Variants in GALNT1 observed in about 807,000 individuals in gnomAD.
GALNT1 encodes the protein GalNAc transferase 1.
Under a neutral mutation model 65.7 loss-of-function variants are expected in GALNT1, and 17 were observed. The observed-to-expected ratio is 0.26, with a 90% confidence interval of 0.18 to 0.39. GALNT1 has a LOEUF of 0.39. Ranked by LOEUF, GALNT1 falls within the 10% of genes least tolerant of loss-of-function variation. The pLI is 1.00. For synonymous variants in GALNT1, 210 were observed against 219.7 expected (o/e 0.96, Z 0.39); for missense variants, 460 against 672.8 (o/e 0.68, Z 3.50).
chr18:35,633,584 A>G (rs976329449), intron 1 of GALNT1, among the ~76,000 whole-genome samples: 26 of 151,870 alleles, frequency 1.7e-4, no homozygotes, highest in African/African-American at 6.3e-4. Context: ...TAGGAGATAC[A>G]CCTAATATAA....
chr18:35,662,158 T>G (rs1038291946), intron 2 of GALNT1, among the ~76,000 whole-genome samples: 3 of 152,224 alleles, frequency 2.0e-5, no homozygotes, highest in Non-Finnish European at 4.4e-5. Flanking sequence ...ATTACACTTC[T>G]GTACTTATAG....
At chr18:35,627,936 C>T (rs951666621) in intron 1 of GALNT1, among the ~76,000 whole-genome samples, 24 of 148,434 alleles carry the variant, frequency 1.6e-4, no homozygotes, top group African/African-American at 2.7e-4. Flanking sequence ...GTGCCTGGCT[C>T]GGAGGGTCCT....
chr18:35,703,141 A>T, intron 10 of GALNT1, 146 bp downstream of exon 10: 1 of 569,278 alleles, frequency 1.8e-6, no homozygotes. Flanking sequence ...GAAGCTTTCA[A>T]TCCAGTGATT....
intron 1 of GALNT1, chr18:35,596,158 T>G (rs1239699727): frequency 6.6e-6 from 1 of 152,114 alleles, no homozygotes; most frequent in African/African-American, 2.4e-5. Flanking sequence ...TCACAGTCAA[T>G]GGGGGTTTAT....
chr18:35,588,277 TG>T (rs2046400305), intron 1 of GALNT1, among the ~76,000 whole-genome samples: 1 of 152,192 alleles, frequency 6.6e-6, no homozygotes, highest in Non-Finnish European at 1.5e-5. Flanking sequence ...CTGGCTTCCA[TG>T]GTTTCTGAGG....
At chr18:35,585,976 T>C (rs2046373882) in intron 1 of GALNT1, among the ~76,000 whole-genome samples, 1 of 152,232 alleles carries the variant, frequency 6.6e-6, no homozygotes, top group African/African-American at 2.4e-5. Flanking sequence ...TTCTCTGGGA[T>C]ATATGCCCAG....
intron 4 of GALNT1, among the ~76,000 whole-genome samples, chr18:35,678,727 TCTTTTGCTAGTATCTTCAA>T (rs2047746842): frequency 6.6e-6 from 1 of 152,302 alleles, no homozygotes; most frequent in South Asian, 2.1e-4. Flanking sequence ...CATTTTAACC[TCTTTTGCTAGTATCTTCAA>T]CTTTCTTGCC....
upstream of GALNT1, among the ~76,000 whole-genome samples, chr18:35,581,582 A>AGCGGC (rs1555644073): frequency 8.7e-5 from 12 of 137,430 alleles, no homozygotes; most frequent in Non-Finnish European, 1.6e-4. Context: ...GTGAGCGGGC[A>AGCGGC]GGCGGCGCGC....
chr18:35,626,329 T>A (rs2046916375), intron 1 of GALNT1, among the ~76,000 whole-genome samples: 1 of 152,276 alleles, frequency 6.6e-6, no homozygotes, highest in African/African-American at 2.4e-5. Context: ...AAAGTTTGAG[T>A]GAATTAGGGA....
At chr18:35,614,305 A>G (rs1304480301) in intron 1 of GALNT1, among the ~76,000 whole-genome samples, 1 of 152,200 alleles carries the variant, frequency 6.6e-6, no homozygotes, top group Non-Finnish European at 1.5e-5. Flanking sequence ...TAGAAGGACT[A>G]TTAATGTAAT....
At chr18:35,583,765 A>T (rs1000464231) in intron 1 of GALNT1, among the ~76,000 whole-genome samples, 2 of 152,146 alleles carry the variant, frequency 1.3e-5, no homozygotes, top group Non-Finnish European at 2.9e-5. Flanking sequence ...GGTAATTCTC[A>T]TGACATCAGG....
intron 1 of GALNT1, among the ~76,000 whole-genome samples, chr18:35,651,586 C>G (rs2047311669): frequency 6.6e-6 from 1 of 152,184 alleles, no homozygotes; most frequent in Non-Finnish European, 1.5e-5. Context: ...AGCTCTGACT[C>G]TTTTCCCCAC....
chr18:35,689,500 A>G (rs1407199512), intron 7 of GALNT1, among the ~76,000 whole-genome samples: 3 of 152,186 alleles, frequency 2.0e-5, no homozygotes, highest in Admixed American at 6.5e-5. Context: ...AAGTTCAGCT[A>G]TAAAACTTAC....
At chr18:35,659,721 A>T (rs911697549) in intron 2 of GALNT1, 1 of 152,216 alleles carries the variant, frequency 6.6e-6, no homozygotes, top group Non-Finnish European at 1.5e-5. Context: ...AATTATTTCA[A>T]CTGTTGAACA....
intron 1 of GALNT1, among the ~76,000 whole-genome samples, chr18:35,601,810 T>A (rs2046586166): frequency 6.6e-6 from 1 of 152,222 alleles, no homozygotes; most frequent in South Asian, 2.1e-4. Context: ...CCCTTTGGTC[T>A]AGTGTAATTT....
At chr18:35,686,902 C>G in intron 5 of GALNT1, 114 bp from the exon 6 acceptor site, 4 of 1,017,152 alleles carry the variant, frequency 3.9e-6, no homozygotes, top group Non-Finnish European at 4.2e-6. Flanking sequence ...AGTAGTGATA[C>G]CCTGTTTCAA....
At position 35,613,206 on chromosome 18, in the gene GALNT1, C is replaced by T. The variant is rs937368662; in HGVS notation, c.-104+31344C>T. ...TTGATCTTTGTTTAGTTTACTGATA[C>T]GTACTGAGTGCCTAGAATATATTTG... On this transcript the variant is annotated intron_variant, in intron 1 of 11. Coordinates refer to ENST00000269195, the MANE Select transcript of GALNT1 (RefSeq NM_020474.4). Among the ~76,000 whole-genome samples the T allele has an allele frequency of 1.6e-4, 24 of 152,258 alleles. 1 individual carries two copies. In the East Asian group the frequency reaches 4.4e-3, roughly 28 times the overall value.
chr18:35,586,432 G>A (rs1217258516), intron 1 of GALNT1, among the ~76,000 whole-genome samples: 1 of 152,062 alleles, frequency 6.6e-6, no homozygotes, highest in African/African-American at 2.4e-5. Flanking sequence ...TTTTAAATTT[G>A]TTGAAGTCCA....
At chr18:35,615,690 CAT>C (rs1394948785) in intron 1 of GALNT1, among the ~76,000 whole-genome samples, 1 of 152,182 alleles carries the variant, frequency 6.6e-6, no homozygotes, top group Non-Finnish European at 1.5e-5. Flanking sequence ...TGCACACACC[CAT>C]ATGTCAGTAC....
Sources: allele counts gnomAD v4.1 joint callset (sites outside exome capture counted in the v4.1 genomes callset), GRCh38; gene constraint gnomAD v4.1.1; transcripts MANE v1.5; gene names NCBI Gene and HGNC (gene_info 2026-07-23, HGNC 2026-07-21).